Variants in ACVR1C observed in about 807,000 individuals in gnomAD.
ACVR1C encodes activin A receptor type 1C, also known as activin receptor type-1C.
A neutral mutation model predicts 57.9 loss-of-function variants in ACVR1C; 23 were observed. That is an observed-to-expected ratio of 0.40 (90% CI 0.29 to 0.56). The LOEUF (loss-of-function observed/expected upper bound fraction) is 0.56, where lower values mean the gene tolerates loss of function less well. ACVR1C is among the 20% of genes least tolerant of loss of function. The pLI, the probability that ACVR1C is intolerant of heterozygous loss-of-function variation, is 0.50. For synonymous variants in ACVR1C, 214 were observed against 215.3 expected (o/e 0.99, Z 0.05); for missense variants, 480 against 607.9 (o/e 0.79, Z 2.21).
At chr2:157,550,054 G>A (rs1260414085) in intron 4 of ACVR1C, 108 bp downstream of exon 4, 2 of 870,992 alleles carry the variant, frequency 2.3e-6, no homozygotes, top group African/African-American at 1.7e-5. Flanking sequence ...AAAAGAAGAG[G>A]TGAATTTATT....
At chr2:157,565,869 C>T (rs1022929025) in intron 2 of ACVR1C, among the ~76,000 whole-genome samples, 2 of 152,076 alleles carry the variant, frequency 1.3e-5, no homozygotes, top group African/African-American at 4.8e-5. Flanking sequence ...CTTCTTTTAT[C>T]CATTAGCATT....
chr2:157,606,520 G>T (rs918463250), intron 1 of ACVR1C, among the ~76,000 whole-genome samples: 10 of 151,454 alleles, frequency 6.6e-5, no homozygotes, highest in African/African-American at 2.2e-4. Flanking sequence ...GATATCTCAT[G>T]GTGGTTTTGA....
At chr2:157,543,021 G>T (rs928534492) in intron 5 of ACVR1C, among the ~76,000 whole-genome samples, 159 bp from the exon 6 acceptor site, 1 of 152,084 alleles carries the variant, frequency 6.6e-6, no homozygotes, top group South Asian at 2.1e-4. Flanking sequence ...TGTACATGCT[G>T]AATCATCTGT....
chr2:157,546,497 C>T (rs1687758993), intron 4 of ACVR1C, among the ~76,000 whole-genome samples: 1 of 152,072 alleles, frequency 6.6e-6, no homozygotes, highest in African/African-American at 2.4e-5. Flanking sequence ...ACTATAGGTT[C>T]TTAATTTTCA....
chr2:157,577,225 A>G (rs2105246789), intron 2 of ACVR1C, among the ~76,000 whole-genome samples: 1 of 152,264 alleles, frequency 6.6e-6, no homozygotes, highest in South Asian at 2.1e-4. Flanking sequence ...TAATATCGCA[A>G]GACTATTCAG....
At chr2:157,576,653 C>A (rs1436346297) in intron 2 of ACVR1C, among the ~76,000 whole-genome samples, 1 of 152,090 alleles carries the variant, frequency 6.6e-6, no homozygotes, top group Non-Finnish European at 1.5e-5. Context: ...CACATATGTT[C>A]ATGAATGAGA....
At chr2:157,627,947 G>A (rs1053487475) in intron 1 of ACVR1C, among the ~76,000 whole-genome samples, 3 of 152,212 alleles carry the variant, frequency 2.0e-5, no homozygotes, top group Non-Finnish European at 4.4e-5. Flanking sequence ...AAACTCTGGG[G>A]CGCTTGCCAG....
intron 4 of ACVR1C, among the ~76,000 whole-genome samples, chr2:157,549,334 C>G (rs1341775413): frequency 6.6e-6 from 1 of 152,168 alleles, no homozygotes; most frequent in Non-Finnish European, 1.5e-5. Context: ...CACTGCACTC[C>G]AGCCTGGGCA....
rs78765624 is a variant in ACVR1C at position 157,565,397 on chromosome 2, C to T, written c.305-9065G>A. 4.2e-3 allele frequency among the ~76,000 whole-genome samples: 636 copies of T among 152,192 alleles called. 7 individuals carry two copies. The highest frequency in any genetic ancestry group is 0.015 in the African/African-American group (613 of 41,516). On this transcript the variant is annotated intron_variant, in intron 2 of 8. Coordinates refer to ENST00000243349, the MANE Select transcript of ACVR1C (RefSeq NM_145259.3). Reference sequence around the variant, plus strand: ...CCTTCCCTTACAATGGTCACTTCTTCGTAGTGACCATTGTAAATTTCACCA... The same window carrying T: ...CCTTCCCTTACAATGGTCACTTCTTTGTAGTGACCATTGTAAATTTCACCA...
intron 1 of ACVR1C, among the ~76,000 whole-genome samples, chr2:157,602,403 C>T (rs1211213145): frequency 6.6e-6 from 1 of 152,142 alleles, no homozygotes; most frequent in Admixed American, 6.5e-5. Flanking sequence ...TAAGTTATAA[C>T]ATGCAGAAAT....
At chr2:157,590,468 A>C (rs781447118) in intron 1 of ACVR1C, among the ~76,000 whole-genome samples, 9 of 151,944 alleles carry the variant, frequency 5.9e-5, no homozygotes, top group Non-Finnish European at 1.0e-4. Flanking sequence ...ATTCTCTTCT[A>C]TCAATAATTT....
At chr2:157,624,552 A>G (rs1258177991) in intron 1 of ACVR1C, among the ~76,000 whole-genome samples, 1 of 152,214 alleles carries the variant, frequency 6.6e-6, no homozygotes, top group Non-Finnish European at 1.5e-5. Flanking sequence ...GGGAATCAAG[A>G]GTTATTCTTG....
chr2:157,607,113 A>G (rs1682418241), intron 1 of ACVR1C, among the ~76,000 whole-genome samples: 2 of 152,026 alleles, frequency 1.3e-5, no homozygotes, highest in South Asian at 4.1e-4. Flanking sequence ...TTTGAAGATC[A>G]GTTGGCTGTA....
In ACVR1C at chr2:157,550,371, C is replaced by T. The variant is rs752612330; in HGVS notation, c.566G>A (p.Arg189Lys). 2.0e-5 allele frequency: 32 copies of T among 1,614,100 alleles called. No homozygotes were observed. In the African/African-American group the frequency reaches 3.3e-4, roughly 17 times the overall value. ...SGSGLPLLVQ[R>K]TIARTIVLQE... ...AAGCACAATCGTCCTTGCAATTGTC[C>T]TTTGAACCAACAGAGGTAGACCTAA... The change falls in exon 4 of 9, where the codon AGG becomes AAG. Residue 189 changes from arginine to lysine, a missense_variant. Arg to Lys is a conservative substitution (Grantham distance 26, BLOSUM62 2). Coordinates refer to ENST00000243349, the MANE Select transcript of ACVR1C (RefSeq NM_145259.3).
rs143801999 is a variant in ACVR1C, at chr2:157,580,031, C to G, written c.304+7156G>C. ...TTCCCCTTTCTCAGTCTCTCTCACG[C>G]ACCCCCTCTCTTCCCCAACCCCCGT... On this transcript the variant is annotated intron_variant, in intron 2 of 8. Transcript: ENST00000243349. 4.0e-3 allele frequency among the ~76,000 whole-genome samples: 602 copies of G among 151,948 alleles called. 1 individual carries two copies. Among genetic ancestry groups the G allele is most frequent in the Middle Eastern group, 0.01 (3 of 294 alleles).
At chr2:157,562,316 A>C (rs1300363325) in intron 2 of ACVR1C, among the ~76,000 whole-genome samples, 1 of 146,330 alleles carries the variant, frequency 6.8e-6, no homozygotes, top group East Asian at 2.0e-4. Flanking sequence ...ATATATATAT[A>C]TATAAAATAT....
At chr2:157,616,825 A>G (rs1490440686) in intron 1 of ACVR1C, among the ~76,000 whole-genome samples, 1 of 152,028 alleles carries the variant, frequency 6.6e-6, no homozygotes, top group Non-Finnish European at 1.5e-5. Context: ...GTTAAAAATA[A>G]TAATTAGGGG....
intron 1 of ACVR1C, among the ~76,000 whole-genome samples, chr2:157,593,258 C>T (rs993823502): frequency 3.9e-5 from 6 of 152,048 alleles, no homozygotes; most frequent in East Asian, 3.8e-4. Flanking sequence ...TTTGTTGATC[C>T]GCATTTATGT....
intron 8 of ACVR1C, among the ~76,000 whole-genome samples, chr2:157,535,293 A>G (rs1271058906): frequency 6.6e-6 from 1 of 152,166 alleles, no homozygotes; most frequent in Non-Finnish European, 1.5e-5. Context: ...CCATGCCTTT[A>G]AACATTGCAG....
Sources: gnomAD v4.1 joint callset for allele counts (sites outside exome capture counted in the v4.1 genomes callset) on GRCh38, gnomAD v4.1.1 for gene constraint, MANE v1.5 for transcripts, NCBI Gene and HGNC (gene_info 2026-07-23, HGNC 2026-07-21) for gene names.